Variants in SLC7A2 observed in about 807,000 individuals in gnomAD.
SLC7A2 encodes cationic amino acid transporter 2.
SLC7A2 carries 48 observed loss-of-function variants against 58.9 expected under a neutral mutation model. That is an observed-to-expected ratio of 0.82 (90% CI 0.65 to 1.04). The LOEUF is 1.04. SLC7A2 is among the 50% of genes least tolerant of loss of function. The pLI is 0.00. For synonymous variants in SLC7A2, 363 were observed against 314.5 expected, an observed-to-expected ratio of 1.15 and a Z score of -1.63; for missense variants, 1,029 against 818.8, an observed-to-expected ratio of 1.26 and a Z score of -3.13.
rs551394319 is a variant in SLC7A2, at chr8:17,517,244, T to C, written c.-23+14942T>C. Reference sequence around the variant, plus strand: ...AAAACTTGGCAATAGAAGGAAGAGGTTCCTGATATTATCAGAGGTCATTCG... The same window carrying C: ...AAAACTTGGCAATAGAAGGAAGAGGCTCCTGATATTATCAGAGGTCATTCG... On this transcript the variant is annotated intron_variant, in intron 2 of 12. Coordinates refer to ENST00000494857, the MANE Select transcript of SLC7A2 (RefSeq NM_001370338.1). Among the ~76,000 whole-genome samples the C allele has an allele frequency of 2.6e-5, 4 of 152,252 alleles. No individual in the cohort carries two copies. In the South Asian group the frequency reaches 8.3e-4, roughly 32 times the overall value.
At position 17,543,421 on chromosome 8, in the gene SLC7A2, A is replaced by T; in HGVS notation, c.82A>T (p.Thr28Ser). The T allele has an allele frequency of 6.2e-7, 1 of 1,614,168 alleles. No individual in the cohort carries two copies. Among genetic ancestry groups the T allele is most frequent in the Non-Finnish European group, 8.5e-7 (1 of 1,180,028 alleles). The change falls in exon 3 of 13, where the codon ACC (threonine) becomes TCC (serine). Residue 28 changes from threonine to serine, a missense_variant. Transcript: ENST00000494857. ...CGTGACCCTGGACAGTCTAGAAGAC[A>T]CCAAATTATGCCGCTGCTTATCCAC... is the stretch of plus-strand genomic sequence containing the variant. ...KIVTLDSLEDTKLCRCLSTMD... is the reference protein window; with the variant it reads ...KIVTLDSLEDSKLCRCLSTMD...
chr8:17,507,740 G>T (rs752346592), intron 2 of SLC7A2, among the ~76,000 whole-genome samples: 1 of 152,112 alleles, frequency 6.6e-6, no homozygotes, highest in Non-Finnish European at 1.5e-5. Context: ...ACAATAACAT[G>T]TAATAGAAAT....
At chr8:17,562,655 G>C (rs1471751386) in intron 11 of SLC7A2, among the ~76,000 whole-genome samples, 1 of 152,044 alleles carries the variant, frequency 6.6e-6, no homozygotes, top group African/African-American at 2.4e-5. Flanking sequence ...GTTCCTTTTT[G>C]TACAGAATTC....
At chr8:17,557,936 T>C (rs867007020) in intron 8 of SLC7A2, among the ~76,000 whole-genome samples, 80 of 152,172 alleles carry the variant, frequency 5.3e-4, no homozygotes, top group African/African-American at 1.9e-3. Flanking sequence ...TTTTTTGTGG[T>C]TTTAAAAAAG....
At chr8:17,533,534 TG>T (rs997884894) in intron 2 of SLC7A2, among the ~76,000 whole-genome samples, 42 of 152,072 alleles carry the variant, frequency 2.8e-4, no homozygotes, top group Non-Finnish European at 5.9e-5. Flanking sequence ...TTTTACGGGG[TG>T]GGTGCAGGGT....
chr8:17,534,096 G>A (rs898453133), intron 2 of SLC7A2, among the ~76,000 whole-genome samples: 5 of 152,146 alleles, frequency 3.3e-5, no homozygotes, highest in Non-Finnish European at 7.3e-5. Context: ...ACATGATCTT[G>A]TTCCTTTTGA....
chr8:17,542,887 A>G (rs1265608087), intron 2 of SLC7A2, among the ~76,000 whole-genome samples: 39 of 152,142 alleles, frequency 2.6e-4, no homozygotes, highest in Admixed American at 2.6e-3. Flanking sequence ...GTTTGAGCCC[A>G]GGAGGTTGAG....
intron 4 of SLC7A2, among the ~76,000 whole-genome samples, chr8:17,545,080 ATG>A (rs1313323270): frequency 6.6e-6 from 1 of 152,134 alleles, no homozygotes; most frequent in Admixed American, 6.5e-5. Context: ...TCATTTTGTA[ATG>A]TCGACATTAT....
chr8:17,553,536 C>G (rs571143656), intron 7 of SLC7A2, among the ~76,000 whole-genome samples: 29 of 152,220 alleles, frequency 1.9e-4, no homozygotes, highest in Admixed American at 1.6e-3. Flanking sequence ...TTTGGGACAC[C>G]GAGGCGGGAG....
chr8:17,517,522 A>G (rs1563442624), intron 2 of SLC7A2, among the ~76,000 whole-genome samples: 2 of 152,134 alleles, frequency 1.3e-5, no homozygotes, highest in Admixed American at 6.6e-5. Context: ...ACCTTCTTCT[A>G]TTAAATCATG....
At position 17,550,290 on chromosome 8, in the gene SLC7A2, C is replaced by G. The variant is rs1173416819; in HGVS notation, c.699-11C>G. The G allele has an allele frequency of 2.5e-6, 4 of 1,612,352 alleles. No individual in the cohort carries two copies. Among genetic ancestry groups the G allele is most frequent in the Non-Finnish European group, 3.4e-6 (4 of 1,179,286 alleles). ...AAAGTGACTTTCCAATGTGTTTGTT[C>G]TCTTTCTTAGAGAGCCACCTTCTGA... On this transcript the variant is annotated splice_polypyrimidine_tract_variant and intron_variant, in intron 5 of 12. Transcript: ENST00000494857.
chr8:17,544,672 C>G, intron 4 of SLC7A2, 66 bp downstream of exon 4: 1 of 1,451,414 alleles, frequency 6.9e-7, no homozygotes, highest in Non-Finnish European at 9.5e-7. Context: ...AAATAGGTTA[C>G]TTCTGAATTT....
upstream of SLC7A2, among the ~76,000 whole-genome samples, chr8:17,494,666 A>T (rs1056602792): frequency 6.6e-6 from 1 of 152,228 alleles, no homozygotes; most frequent in African/African-American, 2.4e-5. Context: ...TAAGAGACTC[A>T]TACTAAATCC....
chr8:17,529,345 A>G (rs2588222), intron 2 of SLC7A2, among the ~76,000 whole-genome samples: 74,882 of 151,244 alleles, frequency 0.5, 18,980 homozygotes, highest in Non-Finnish European at 0.55. Context: ...CTAGGGCTCA[A>G]TTGCCAGTCA....
intron 2 of SLC7A2, among the ~76,000 whole-genome samples, chr8:17,510,443 C>T (rs1024896920): frequency 1.3e-5 from 2 of 152,098 alleles, no homozygotes; most frequent in African/African-American, 4.8e-5. Flanking sequence ...ATTTACATTC[C>T]CACCAACAGT....
chr8:17,510,839 A>G (rs1178902423), intron 2 of SLC7A2: 1 of 152,240 alleles, frequency 6.6e-6, no homozygotes, highest in East Asian at 1.9e-4. Flanking sequence ...TAGCAAAGAC[A>G]TGGAACCAAC....
intron 2 of SLC7A2, among the ~76,000 whole-genome samples, chr8:17,530,693 C>T (rs927401300): frequency 2.0e-5 from 3 of 151,802 alleles, no homozygotes; most frequent in African/African-American, 7.3e-5. Flanking sequence ...CTGCCTCAGC[C>T]TCTTGAATAG....
intron 10 of SLC7A2, among the ~76,000 whole-genome samples, chr8:17,560,850 A>G (rs1185208909): frequency 1.3e-5 from 2 of 152,128 alleles, no homozygotes; most frequent in East Asian, 1.9e-4. Flanking sequence ...CCTGCCAATA[A>G]CCTGACTGGA....
chr8:17,550,124 AG>A (rs1452910679), intron 5 of SLC7A2, among the ~76,000 whole-genome samples, 176 bp from the exon 6 acceptor site: 1 of 152,212 alleles, frequency 6.6e-6, no homozygotes. Context: ...GGTCACTGTT[AG>A]TGGCACCACC....
Sources: gnomAD v4.1 joint callset for allele counts (sites outside exome capture counted in the v4.1 genomes callset) on GRCh38, gnomAD v4.1.1 for gene constraint, MANE v1.5 for transcripts, NCBI Gene and HGNC (gene_info 2026-07-23, HGNC 2026-07-21) for gene names.